Variants in CDH13 observed in about 807,000 individuals in gnomAD.
The protein encoded by CDH13 is cadherin 13.
In CDH13, 24 loss-of-function variants were observed where a neutral mutation model predicts 63.8. The ratio of observed to expected loss-of-function variants is 0.38; its 90% CI spans 0.27 to 0.53. The LOEUF is 0.53. Ranked by LOEUF, CDH13 falls within the 20% of genes least tolerant of loss-of-function variation. The pLI, the probability that CDH13 is intolerant of heterozygous loss-of-function variation, is 0.85. For synonymous variants in CDH13, 503 were observed against 355.3 expected (o/e 1.42, Z -4.67); for missense variants, 1,049 against 903.1 (o/e 1.16, Z -2.07).
intron 3 of CDH13, among the ~76,000 whole-genome samples, chr16:83,051,472 G>C (rs1449397706): frequency 6.6e-6 from 1 of 152,108 alleles, no homozygotes; most frequent in African/African-American, 2.4e-5. Context: ...AGGTAAACCT[G>C]GTACTAGGAA....
intron 2 of CDH13, among the ~76,000 whole-genome samples, chr16:83,010,388 T>A (rs1914026691): frequency 6.6e-6 from 1 of 152,088 alleles, no homozygotes; most frequent in Admixed American, 6.5e-5. Flanking sequence ...ATGACAGAGA[T>A]GCACGACTGT....
chr16:83,358,623 C>T (rs1429950710), intron 6 of CDH13, among the ~76,000 whole-genome samples: 1 of 152,170 alleles, frequency 6.6e-6, no homozygotes, highest in African/African-American at 2.4e-5. Flanking sequence ...AGAGCCCAGA[C>T]TATATGACGT....
intron 6 of CDH13, among the ~76,000 whole-genome samples, chr16:83,453,408 GA>G (rs1395670333): frequency 4.3e-4 from 65 of 151,886 alleles, no homozygotes; most frequent in Admixed American, 4.3e-3. Context: ...CATTGATCAT[GA>G]AAAAAACATG....
chr16:83,653,666 T>A (rs1415595334), intron 8 of CDH13, among the ~76,000 whole-genome samples: 1 of 152,204 alleles, frequency 6.6e-6, no homozygotes, highest in East Asian at 1.9e-4. Context: ...GAAGAATCAA[T>A]CTGTTGGGAA....
chr16:83,085,356 T>G (rs547849171), intron 3 of CDH13, among the ~76,000 whole-genome samples: 1 of 151,952 alleles, frequency 6.6e-6, no homozygotes, highest in Admixed American at 6.5e-5. Flanking sequence ...CCACAACACG[T>G]GGGAATTCTG....
Position 83,703,779 on chromosome 16 carries a change from A to G in CDH13, c.1538+25318A>G, listed in dbSNP as rs1906599622. 3.3e-5 allele frequency among the ~76,000 whole-genome samples: 5 copies of G among 152,318 alleles called. No individual in the cohort carries two copies. The South Asian group carries it at 1.0e-3, about 32-fold the overall frequency. On this transcript the variant is annotated intron_variant, in intron 10 of 13. Coordinates refer to ENST00000567109, the MANE Select transcript of CDH13 (RefSeq NM_001257.5). ...TTTCTTGGCAGACTCCCTCAGAGGTACTATGTTTCTTTTCTACAGTTCTCT... is the reference window on the plus strand; with the variant it reads ...TTTCTTGGCAGACTCCCTCAGAGGTGCTATGTTTCTTTTCTACAGTTCTCT...
At chr16:82,724,486 A>G (rs1414946089) in intron 1 of CDH13, among the ~76,000 whole-genome samples, 1 of 152,190 alleles carries the variant, frequency 6.6e-6, no homozygotes, top group Non-Finnish European at 1.5e-5. Context: ...TCTTCAGAGT[A>G]TGATCCCATA....
At chr16:83,105,444 T>A (rs956597239) in intron 3 of CDH13, among the ~76,000 whole-genome samples, 1 of 152,178 alleles carries the variant, frequency 6.6e-6, no homozygotes, top group Non-Finnish European at 1.5e-5. Context: ...TTCTGCCAGT[T>A]TATGAGGCAA....
intron 10 of CDH13, among the ~76,000 whole-genome samples, chr16:83,685,922 G>A (rs1444183700): frequency 1.3e-5 from 2 of 152,210 alleles, no homozygotes; most frequent in Non-Finnish European, 2.9e-5. Context: ...TTTTGAGAAT[G>A]ATGGTAATAA....
chr16:82,931,166 T>C (rs149785522), intron 2 of CDH13, among the ~76,000 whole-genome samples: 1 of 152,336 alleles, frequency 6.6e-6, no homozygotes, highest in African/African-American at 2.4e-5. Context: ...TTCTACCTAA[T>C]TTATACTTTG....
chr16:82,639,747 T>A (rs1027334439), intron 1 of CDH13, among the ~76,000 whole-genome samples: 4 of 152,248 alleles, frequency 2.6e-5, no homozygotes, highest in Non-Finnish European at 5.9e-5. Context: ...TGCCATTGAT[T>A]GAGCAAACAT....
rs1463144123 is a variant in CDH13 at position 82,860,384 on chromosome 16, TG to T, written c.157+1912del. ...TTGCAGTATCACAGTTGTGTGTGTGTGTGTGGGGGGGGGGGCGGCGGTGTGC... is the reference window on the plus strand; with the variant it reads ...TTGCAGTATCACAGTTGTGTGTGTGTTGTGGGGGGGGGGGCGGCGGTGTGC... On this transcript the variant is annotated intron_variant, in intron 2 of 13. Transcript: ENST00000567109. Among the ~76,000 whole-genome samples, 5 of 29,562 alleles carry T rather than the reference TG, an allele frequency of 1.7e-4. 1 individual carries two copies. The highest frequency in any genetic ancestry group is 2.7e-4 in the Non-Finnish European group (4 of 14,812). 19.4% of individuals were successfully genotyped at this position (29,562 alleles called of 152,430 possible). A position where few individuals can be genotyped will look rare whatever the true frequency, so the allele number is the denominator to read the frequency against.
chr16:83,211,147 CAAA>C (rs34346635), intron 4 of CDH13, among the ~76,000 whole-genome samples: 4 of 77,510 alleles, frequency 5.2e-5, no homozygotes, highest in Middle Eastern at 7.0e-3. Flanking sequence ...GATTCCATCT[CAAA>C]AAAAAAAAAA....
At chr16:82,971,769 A>G (rs548510123) in intron 2 of CDH13, among the ~76,000 whole-genome samples, 11 of 152,346 alleles carry the variant, frequency 7.2e-5, no homozygotes, top group African/African-American at 2.2e-4. Flanking sequence ...ATTTAAGTTC[A>G]TTGGATTGTT....
At chr16:83,652,115 T>C (rs1912438238) in intron 8 of CDH13, among the ~76,000 whole-genome samples, 2 of 152,200 alleles carry the variant, frequency 1.3e-5, no homozygotes, top group Admixed American at 6.5e-5. Context: ...GGAAGGAATA[T>C]GCGACGTGCT....
intron 5 of CDH13, among the ~76,000 whole-genome samples, chr16:83,223,489 A>G (rs111351082): frequency 2.0e-5 from 3 of 152,224 alleles, no homozygotes; most frequent in African/African-American, 7.2e-5. Flanking sequence ...AGGCATTTCA[A>G]CCATAGCAAA....
At chr16:83,234,939 G>A (rs533677878) in intron 5 of CDH13, among the ~76,000 whole-genome samples, 1 of 152,204 alleles carries the variant, frequency 6.6e-6, no homozygotes, top group African/African-American at 2.4e-5. Context: ...GCTCACGCCT[G>A]TAATCCCAGT....
intron 6 of CDH13, among the ~76,000 whole-genome samples, chr16:83,421,191 G>C (rs1443239248): frequency 6.6e-6 from 1 of 152,188 alleles, no homozygotes; most frequent in Non-Finnish European, 1.5e-5. Flanking sequence ...AACCCTTCCA[G>C]AGAAGGAGAA....
intron 10 of CDH13, among the ~76,000 whole-genome samples, chr16:83,705,735 C>G (rs1906942849): frequency 6.6e-6 from 1 of 152,166 alleles, no homozygotes; most frequent in African/African-American, 2.4e-5. Flanking sequence ...TTCAAACAAC[C>G]CTAAAGCTGA....
Sources: gnomAD v4.1 joint callset for allele counts (sites outside exome capture counted in the v4.1 genomes callset) on GRCh38, gnomAD v4.1.1 for gene constraint, MANE v1.5 for transcripts, NCBI Gene and HGNC (gene_info 2026-07-23, HGNC 2026-07-21) for gene names.